ROBO1: variants seen among roughly 807,000 people sequenced by gnomAD.
The protein encoded by ROBO1 is roundabout homolog 1.
ROBO1 carries 149 observed loss-of-function variants against 195.9 expected under a neutral mutation model. The observed-to-expected ratio is 0.76, with a 90% confidence interval of 0.67 to 0.87. ROBO1 has a LOEUF of 0.87. ROBO1 is among the 40% of genes least tolerant of loss of function. The probability of loss-of-function intolerance (pLI) is 0.00; values close to 1 mark genes in which losing one functional copy is unlikely to be tolerated. For missense variants in ROBO1, 1,933 were observed against 2,068.3 expected (o/e 0.93, Z 1.27); for synonymous variants, 816 against 733.2 (o/e 1.11, Z -1.82).
chr3:79,381,120 A>G (rs1016615817), intron 2 of ROBO1, among the ~76,000 whole-genome samples: 1 of 152,126 alleles, frequency 6.6e-6, no homozygotes, highest in Non-Finnish European at 1.5e-5. Flanking sequence ...GCACGTTGGG[A>G]GGCTGAGGCG....
At chr3:78,906,897 T>A (rs1444799995) in intron 4 of ROBO1, among the ~76,000 whole-genome samples, 1 of 152,166 alleles carries the variant, frequency 6.6e-6, no homozygotes, top group Non-Finnish European at 1.5e-5. Context: ...TTTTACATTT[T>A]TGCAAATTTA....
At chr3:79,569,929 T>C (rs564789784) in intron 2 of ROBO1, among the ~76,000 whole-genome samples, 1 of 151,952 alleles carries the variant, frequency 6.6e-6, no homozygotes, top group African/African-American at 2.4e-5. Flanking sequence ...GAAGACCCCA[T>C]CTCTACTAAA....
At chr3:79,099,970 C>G (rs1051044535) in intron 3 of ROBO1, among the ~76,000 whole-genome samples, 1 of 151,726 alleles carries the variant, frequency 6.6e-6, no homozygotes, top group Non-Finnish European at 1.5e-5. Flanking sequence ...AGGTCCTATT[C>G]TCTATTCTGG....
At chr3:78,707,402 T>C (rs1393001492) in intron 8 of ROBO1, among the ~76,000 whole-genome samples, 3 of 152,178 alleles carry the variant, frequency 2.0e-5, no homozygotes, top group Admixed American at 2.0e-4. Flanking sequence ...CACTGCACAG[T>C]TGGCATTAAT....
At position 79,071,740 on chromosome 3, in the gene ROBO1, G is replaced by GCGCA. The variant is rs5850411; in HGVS notation, c.172+53715_172+53716insTGCG. Among the ~76,000 whole-genome samples the GCGCA allele has an allele frequency of 4.4e-4, 63 of 144,358 alleles. No individual in the cohort carries two copies. The East Asian group carries it at 6.7e-3, about 15-fold the overall frequency. 94.7% of individuals were successfully genotyped at this position (144,358 alleles called of 152,430 possible). A position where few individuals can be genotyped will look rare whatever the true frequency, so the allele number is the denominator to read the frequency against. ...CATGCACATGCACACACACACACACGCACACACACACACACACACTGTGAC... is the reference window on the plus strand; with the variant it reads ...CATGCACATGCACACACACACACACGCGCACACACACACACACACACACTGTGAC... On this transcript the variant is annotated intron_variant, in intron 3 of 30. Transcript: ENST00000464233.
At chr3:79,273,439 T>C (rs2030749905) in intron 2 of ROBO1, among the ~76,000 whole-genome samples, 1 of 152,078 alleles carries the variant, frequency 6.6e-6, no homozygotes, top group Non-Finnish European at 1.5e-5. Context: ...TAAGTTGTCA[T>C]CAGTTTTAAA....
chr3:79,515,973 TG>T (rs1230190060), intron 2 of ROBO1, among the ~76,000 whole-genome samples: 3 of 152,184 alleles, frequency 2.0e-5, no homozygotes, highest in Non-Finnish European at 4.4e-5. Flanking sequence ...ATATATAGCC[TG>T]AAATAATTAC....
chr3:79,686,834 C>A (rs930641616), intron 1 of ROBO1, among the ~76,000 whole-genome samples: 4 of 152,100 alleles, frequency 2.6e-5, no homozygotes, highest in Non-Finnish European at 5.9e-5. Context: ...ATCAAGCTAC[C>A]AATAACTTTC....
At chr3:79,301,342 C>T (rs920801827) in intron 2 of ROBO1, among the ~76,000 whole-genome samples, 1 of 152,192 alleles carries the variant, frequency 6.6e-6, no homozygotes, top group Non-Finnish European at 1.5e-5. Context: ...ACCAATTCCG[C>T]ACACAGTACT....
chr3:79,345,130 T>A (rs2035061769), intron 2 of ROBO1, among the ~76,000 whole-genome samples: 1 of 152,166 alleles, frequency 6.6e-6, no homozygotes, highest in Admixed American at 6.5e-5. Context: ...TTTAACAACT[T>A]TGAAAATAGG....
At chr3:78,987,489 T>C (rs1358375048) in intron 3 of ROBO1, among the ~76,000 whole-genome samples, 1 of 152,134 alleles carries the variant, frequency 6.6e-6, no homozygotes, top group East Asian at 1.9e-4. Context: ...AGACTAGCCA[T>C]CCTTCCTTTA....
At chr3:79,451,127 C>T (rs1183360224) in intron 2 of ROBO1, among the ~76,000 whole-genome samples, 1 of 151,622 alleles carries the variant, frequency 6.6e-6, no homozygotes, top group Non-Finnish European at 1.5e-5. Context: ...TGAATAGCAG[C>T]CATTTGAAAA....
chr3:78,680,518 C>T lies in ROBO1; in HGVS notation c.1342+5228G>A, dbSNP rs1430051352. 1.8e-4 allele frequency among the ~76,000 whole-genome samples: 27 copies of T among 151,880 alleles called. 1 individual carries two copies. Among genetic ancestry groups the T allele is most frequent in the South Asian group, 2.1e-4 (1 of 4,810 alleles). ...ACAAACAACCCCATCAAAAAGTGGG[C>T]GAAGGACATGAACAGACACTTCTCA... On this transcript the variant is annotated intron_variant, in intron 10 of 30. Transcript: ENST00000464233.
chr3:79,725,296 G>T (rs1000408550), intron 1 of ROBO1, among the ~76,000 whole-genome samples: 2 of 134,860 alleles, frequency 1.5e-5, no homozygotes, highest in East Asian at 2.2e-4. Context: ...GCGCGATCTC[G>T]GCTCACTGCA....
intron 18 of ROBO1, among the ~76,000 whole-genome samples, chr3:78,653,337 C>T (rs1413672150): frequency 1.3e-5 from 2 of 152,112 alleles, no homozygotes; most frequent in Non-Finnish European, 2.9e-5. Flanking sequence ...ACTTGACTCA[C>T]CCCAGTGACC....
intron 2 of ROBO1, among the ~76,000 whole-genome samples, chr3:79,477,777 G>A (rs1452711469): frequency 1.3e-5 from 2 of 152,008 alleles, no homozygotes; most frequent in South Asian, 4.1e-4. Context: ...TAAAAATCAA[G>A]TTTAGGTACA....
chr3:78,930,636 T>A (rs191430952), intron 4 of ROBO1, among the ~76,000 whole-genome samples: 105 of 152,282 alleles, frequency 6.9e-4, no homozygotes, highest in Middle Eastern at 3.4e-3. Context: ...ATCAATTGCA[T>A]CTCCTGCAAA....
intron 1 of ROBO1, among the ~76,000 whole-genome samples, chr3:79,621,527 A>AC (rs1945009353): frequency 6.6e-6 from 1 of 152,196 alleles, no homozygotes; most frequent in Non-Finnish European, 1.5e-5. Context: ...GCATCAAATC[A>AC]CCTATAAAGG....
intron 2 of ROBO1, among the ~76,000 whole-genome samples, chr3:79,380,571 T>G (rs1179702421): frequency 6.6e-6 from 1 of 152,168 alleles, no homozygotes; most frequent in Non-Finnish European, 1.5e-5. Flanking sequence ...TAACCTTTTC[T>G]TAGGTTAGCA....
Sources: allele counts gnomAD v4.1 joint callset (sites outside exome capture counted in the v4.1 genomes callset), GRCh38; gene constraint gnomAD v4.1.1; transcripts MANE v1.5; gene names NCBI Gene and HGNC (gene_info 2026-07-23, HGNC 2026-07-21).